PAPPA2: variants seen among roughly 807,000 people sequenced by gnomAD.
PAPPA2 encodes the protein pappalysin-2.
PAPPA2 carries 86 observed loss-of-function variants against 176.4 expected under a neutral mutation model. That is an observed-to-expected ratio of 0.49 (90% CI 0.41 to 0.58). The LOEUF (loss-of-function observed/expected upper bound fraction) is 0.58. PAPPA2 is among the 20% of genes least tolerant of loss of function. PAPPA2 has a pLI of 0.00. For synonymous variants in PAPPA2, 809 were observed against 852.2 expected, an observed-to-expected ratio of 0.95 and a Z score of 0.88; for missense variants, 2,073 against 2,256.9, an observed-to-expected ratio of 0.92 and a Z score of 1.65.
intron 17 of PAPPA2, among the ~76,000 whole-genome samples, chr1:176,776,492 G>A (rs1319561933): frequency 1.3e-5 from 2 of 152,162 alleles, no homozygotes; most frequent in East Asian, 3.9e-4. Flanking sequence ...GGTCAAGGCT[G>A]AAATTAATAG....
chr1:176,535,153 G>A (rs1030309820), intron 1 of PAPPA2, among the ~76,000 whole-genome samples: 3 of 152,164 alleles, frequency 2.0e-5, no homozygotes, highest in African/African-American at 7.2e-5. Context: ...AGAATAAAAT[G>A]TGCGAAAAAA....
At chr1:176,591,327 C>T (rs1007057411) in intron 2 of PAPPA2, among the ~76,000 whole-genome samples, 1 of 152,158 alleles carries the variant, frequency 6.6e-6, no homozygotes, top group African/African-American at 2.4e-5. Flanking sequence ...GCCCTAATCT[C>T]ATGGGCAGAT....
intron 4 of PAPPA2, among the ~76,000 whole-genome samples, chr1:176,681,238 A>G (rs1187689321): frequency 6.6e-6 from 1 of 152,210 alleles, no homozygotes; most frequent in East Asian, 1.9e-4. Flanking sequence ...CACAGAAGCT[A>G]CATATTTCCG....
chr1:176,657,982 A>G (rs1399644921), intron 3 of PAPPA2, among the ~76,000 whole-genome samples: 1 of 151,960 alleles, frequency 6.6e-6, no homozygotes, highest in Non-Finnish European at 1.5e-5. Flanking sequence ...ATCAACTACT[A>G]TTGAATAAGC....
At chr1:176,803,876 A>G (rs1286468096) in intron 21 of PAPPA2, among the ~76,000 whole-genome samples, 1 of 152,154 alleles carries the variant, frequency 6.6e-6, no homozygotes, top group Non-Finnish European at 1.5e-5. Context: ...ACTCTACTCC[A>G]GGCATAAAAA....
At chr1:176,520,022 C>G (rs1649126585) in intron 1 of PAPPA2, among the ~76,000 whole-genome samples, 1 of 152,128 alleles carries the variant, frequency 6.6e-6, no homozygotes, top group South Asian at 2.1e-4. Context: ...AGGGACAGTC[C>G]TTGGGGCAAA....
intron 1 of PAPPA2, among the ~76,000 whole-genome samples, chr1:176,536,897 G>A (rs980769992): frequency 6.6e-6 from 1 of 152,148 alleles, no homozygotes; most frequent in African/African-American, 2.4e-5. Context: ...CTAAGCTCTT[G>A]TCACATATTA....
intron 2 of PAPPA2, among the ~76,000 whole-genome samples, chr1:176,576,399 C>T (rs150517842): frequency 6.6e-6 from 1 of 152,130 alleles, no homozygotes; most frequent in African/African-American, 2.4e-5. Flanking sequence ...ATTGCTGTCA[C>T]CCAATGTTAC....
At chr1:176,647,166 T>G (rs761063055) in intron 3 of PAPPA2, among the ~76,000 whole-genome samples, 1 of 151,718 alleles carries the variant, frequency 6.6e-6, no homozygotes, top group Non-Finnish European at 1.5e-5. Context: ...ATCAGTGATG[T>G]TGAGCACCTT....
chr1:176,552,767 T>A (rs1029725351), intron 1 of PAPPA2, among the ~76,000 whole-genome samples: 3 of 152,106 alleles, frequency 2.0e-5, no homozygotes. Context: ...GCCTGTACCC[T>A]AGAAGGGGCC....
At chr1:176,481,877 G>C (rs1652419386) in intron 1 of PAPPA2, among the ~76,000 whole-genome samples, 2 of 151,220 alleles carry the variant, frequency 1.3e-5, no homozygotes, top group Non-Finnish European at 1.5e-5. Flanking sequence ...GCTAAACTTT[G>C]TATTTTTTTT....
At chr1:176,514,614 C>T (rs1421272006) in intron 1 of PAPPA2, among the ~76,000 whole-genome samples, 2 of 152,246 alleles carry the variant, frequency 1.3e-5, no homozygotes, top group African/African-American at 4.8e-5. Context: ...ACCCTTGTTT[C>T]ACTGCAGCCT....
intron 12 of PAPPA2, among the ~76,000 whole-genome samples, chr1:176,722,467 T>C (rs750782343): frequency 6.7e-5 from 10 of 150,274 alleles, no homozygotes; most frequent in Non-Finnish European, 1.5e-4. Context: ...AAGGCCTGGC[T>C]CTTCAGGGGT....
chr1:176,663,061 G>A (rs1357545734), intron 3 of PAPPA2, among the ~76,000 whole-genome samples: 1 of 152,020 alleles, frequency 6.6e-6, no homozygotes, highest in Non-Finnish European at 1.5e-5. Context: ...CTTCACGCAG[G>A]GATCATCTCA....
chr1:176,623,426 G>A (rs927089534), intron 3 of PAPPA2, among the ~76,000 whole-genome samples: 1 of 152,110 alleles, frequency 6.6e-6, no homozygotes. Context: ...GAAATGAATA[G>A]TGCAAACTTC....
chr1:176,666,061 G>C (rs1198525200), intron 3 of PAPPA2, among the ~76,000 whole-genome samples: 1 of 152,158 alleles, frequency 6.6e-6, no homozygotes, highest in African/African-American at 2.4e-5. Context: ...AGCATGGAGA[G>C]TGAGAAAAGA....
intron 1 of PAPPA2, among the ~76,000 whole-genome samples, chr1:176,522,420 C>T: frequency 6.6e-6 from 1 of 152,144 alleles, no homozygotes; most frequent in East Asian, 1.9e-4. Flanking sequence ...GAAAAAACTC[C>T]TTTCATTTTC....
In PAPPA2 at chr1:176,800,127, T is replaced by C. The variant is rs958027887; in HGVS notation, c.5197T>C (p.Cys1733Arg). Residue 1733 changes from cysteine to arginine, a missense_variant, in exon 21 of 23, where the codon TGT becomes CGT. Around this residue, in one of 4 missense-constraint regions of PAPPA2, gnomAD observed 846 missense variants for 857.9 expected, o/e 0.99. Coordinates refer to ENST00000367662, the MANE Select transcript of PAPPA2 (RefSeq NM_020318.3). Reference sequence around the variant, plus strand: ...CGTCTTAGTCCACTGCATCCAGTCATGTGAGGTAAGATAGCCTCCCCTTCC... The same window carrying C: ...CGTCTTAGTCCACTGCATCCAGTCACGTGAGGTAAGATAGCCTCCCCTTCC... Reference protein sequence around the residue: ...DPVLVHCIQSCEPFQADGWCD... With the variant: ...DPVLVHCIQSREPFQADGWCD... 1.2e-6 allele frequency: 2 copies of C among 1,614,000 alleles called. No homozygotes were observed. The highest frequency in any genetic ancestry group is 1.7e-5 in the Admixed American group (1 of 60,018).
chr1:176,654,879 A>T (rs191091441), intron 3 of PAPPA2, among the ~76,000 whole-genome samples: 4 of 151,870 alleles, frequency 2.6e-5, no homozygotes, highest in Non-Finnish European at 4.4e-5. Flanking sequence ...TTTGATCATT[A>T]TTGATGTATA....
Sources: allele counts gnomAD v4.1 joint callset (sites outside exome capture counted in the v4.1 genomes callset), GRCh38; gene constraint gnomAD v4.1.1; regional missense constraint gnomAD v4.1.1; transcripts MANE v1.5; gene names NCBI Gene and HGNC (gene_info 2026-07-23, HGNC 2026-07-21).